PICALM: variants seen among roughly 807,000 people sequenced by gnomAD.
The protein encoded by PICALM is phosphatidylinositol-binding clathrin assembly protein.
PICALM carries 40 observed loss-of-function variants against 80.5 expected under a neutral mutation model. The observed-to-expected ratio is 0.50, with a 90% CI of 0.39 to 0.65. The LOEUF is 0.65. PICALM is among the 30% of genes least tolerant of loss of function. The pLI, the probability that PICALM is intolerant of heterozygous loss-of-function variation, is 0.00. For synonymous variants in PICALM, 288 were observed against 260.3 expected (o/e 1.11, Z -1.02); for missense variants, 676 against 778.9 (o/e 0.87, Z 1.57).
chr11:86,010,800 T>TTTTATAGAGAA (rs1161862638), intron 7 of PICALM, among the ~76,000 whole-genome samples: 4 of 152,250 alleles, frequency 2.6e-5, no homozygotes, highest in African/African-American at 9.6e-5. Flanking sequence ...AAGTAAACAA[T>TTTTATAGAGAA]GTAAAAACAG....
At chr11:85,998,572 T>C (rs1174190412) in intron 11 of PICALM, among the ~76,000 whole-genome samples, 3 of 151,896 alleles carry the variant, frequency 2.0e-5, no homozygotes, top group African/African-American at 7.2e-5. Context: ...GCGTGCGGAC[T>C]GCTTGAGTTC....
chr11:86,001,183 T>A (rs758215717), intron 9 of PICALM, 25 bp from the exon 10 acceptor site: 1 of 1,609,294 alleles, frequency 6.2e-7, no homozygotes, highest in Non-Finnish European at 8.5e-7. Flanking sequence ...CAGAGATAAT[T>A]TGGCTTTTTG....
At chr11:86,007,471 T>A (rs2095302718) in intron 8 of PICALM, 71 bp downstream of exon 8, 1 of 865,780 alleles carries the variant, frequency 1.2e-6, no homozygotes, top group East Asian at 2.5e-5. Flanking sequence ...GGGCTATATG[T>A]TACTTATCTT....
At chr11:85,977,555 C>A (rs1343069425) in intron 17 of PICALM, among the ~76,000 whole-genome samples, 6 of 152,124 alleles carry the variant, frequency 3.9e-5, no homozygotes, top group Admixed American at 1.3e-4. Context: ...GCAATTTGAA[C>A]ATATGCATGG....
intron 7 of PICALM, among the ~76,000 whole-genome samples, 198 bp downstream of exon 7, chr11:86,010,832 T>C (rs963771807): frequency 1.3e-5 from 2 of 152,252 alleles, no homozygotes; most frequent in Admixed American, 1.3e-4. Flanking sequence ...ATACTCGCTA[T>C]TGAATTAAAT....
chr11:85,959,448 T>TA (rs1236611612), intron 19 of PICALM, among the ~76,000 whole-genome samples: 2 of 151,464 alleles, frequency 1.3e-5, no homozygotes, highest in Non-Finnish European at 2.9e-5. Flanking sequence ...GCCTGGCCAA[T>TA]ATGGTGAAAC....
intron 13 of PICALM, among the ~76,000 whole-genome samples, chr11:85,987,489 C>CA (rs1228434137): frequency 6.6e-6 from 1 of 151,616 alleles, no homozygotes; most frequent in Non-Finnish European, 1.5e-5. Flanking sequence ...AATATTAGAC[C>CA]AAAAAAAGTG....
At chr11:86,048,127 G>C (rs559763219) in intron 1 of PICALM, among the ~76,000 whole-genome samples, 1 of 152,274 alleles carries the variant, frequency 6.6e-6, no homozygotes, top group Non-Finnish European at 1.5e-5. Context: ...CCAATCTCCT[G>C]ATGCGAAGCA....
rs773609423 is a variant in PICALM at position 85,958,137 on chromosome 11, A to G, written c.*909T>C. 9 of 225,592 alleles carry G rather than the reference A, an allele frequency of 4.0e-5. No homozygotes were observed. The South Asian group carries it at 5.5e-4, about 14-fold the overall frequency. 14.0% of individuals were successfully genotyped at this position (225,592 alleles called of 1,614,324 possible). On this transcript the variant is annotated 3_prime_UTR_variant, in exon 20 of 20. Transcript: ENST00000393346. Reference sequence around the variant, plus strand: ...AAGGCCCTAATGTCAAATGGAAAATAATGACATGCCAAGCACAAAGCAGTA... The same window carrying G: ...AAGGCCCTAATGTCAAATGGAAAATGATGACATGCCAAGCACAAAGCAGTA...
chr11:86,004,997 G>C (rs574525972), intron 8 of PICALM, among the ~76,000 whole-genome samples: 1 of 152,158 alleles, frequency 6.6e-6, no homozygotes, highest in African/African-American at 2.4e-5. Flanking sequence ...GATGATAGTG[G>C]TTAACATTTA....
At chr11:86,060,102 C>T (rs891230101) in intron 1 of PICALM, among the ~76,000 whole-genome samples, 3 of 152,142 alleles carry the variant, frequency 2.0e-5, no homozygotes, top group African/African-American at 7.2e-5. Context: ...GGCACTGTTA[C>T]CTACAAAATC....
intron 4 of PICALM, among the ~76,000 whole-genome samples, chr11:86,021,420 T>C (rs2095560324): frequency 2.0e-5 from 3 of 149,574 alleles, no homozygotes; most frequent in Admixed American, 2.0e-4. Context: ...AAATGCTCAA[T>C]ATCATTAGCC....
intron 19 of PICALM, among the ~76,000 whole-genome samples, chr11:85,965,788 T>C (rs17817588): frequency 0.16 from 24,393 of 149,890 alleles, 2,601 homozygotes; most frequent in Middle Eastern, 0.24. Context: ...CCTGTCACCT[T>C]GAATGCATTA....
rs1293642049 is a variant in PICALM, at chr11:86,068,811, C to T, written c.-31G>A. On this transcript the variant is annotated 5_prime_UTR_variant, in exon 1 of 20. Transcript: ENST00000393346. ...CAGCTCCTCCACCACCCCACCCGCT[C>T]AGCAGCCGGCGGGGACTGGGACCCC... The T allele has an allele frequency of 1.3e-6, 2 of 1,577,532 alleles. No homozygotes were observed. The highest frequency in any genetic ancestry group is 8.6e-7 in the Non-Finnish European group (1 of 1,165,934).
At chr11:85,968,299 AAAAC>A (rs1325207411) in intron 19 of PICALM, among the ~76,000 whole-genome samples, 2 of 152,088 alleles carry the variant, frequency 1.3e-5, no homozygotes, top group South Asian at 2.1e-4. Flanking sequence ...TCAAAAAAAC[AAAAC>A]AAACAAACAA....
intron 18 of PICALM, 59 bp from the exon 19 acceptor site, chr11:85,974,871 T>G (rs1046394456): frequency 8.7e-7 from 1 of 1,146,358 alleles, no homozygotes; most frequent in African/African-American, 1.5e-5. Flanking sequence ...TGTGACTAAG[T>G]AAATAACAAT....
intron 12 of PICALM, among the ~76,000 whole-genome samples, chr11:85,996,162 A>G (rs2094953238): frequency 1.3e-5 from 2 of 152,110 alleles, no homozygotes; most frequent in African/African-American, 2.4e-5. Context: ...AAATAAAATG[A>G]AAAAAAGCTT....
Position 86,026,741 on chromosome 11 carries a change from T to A in PICALM, c.274-374A>T, listed in dbSNP as rs2095654937. Among the ~76,000 whole-genome samples the A allele has an allele frequency of 3.9e-5, 6 of 152,036 alleles. 1 individual carries two copies. The South Asian group carries it at 1.2e-3, about 32-fold the overall frequency. On this transcript the variant is annotated intron_variant, in intron 2 of 19. Coordinates refer to ENST00000393346, the MANE Select transcript of PICALM (RefSeq NM_007166.4). ...CAAAGTTTTGGCTTTAAAAAAAAAA[T>A]ACTTCTAAACATACAAGAAAGCAAT...
At chr11:86,034,076 G>T (rs937734698) in intron 1 of PICALM, among the ~76,000 whole-genome samples, 1 of 151,996 alleles carries the variant, frequency 6.6e-6, no homozygotes, top group African/African-American at 2.4e-5. Flanking sequence ...CAGAAAAACT[G>T]GAGTTATTTT....
Sources: allele counts gnomAD v4.1 joint callset (sites outside exome capture counted in the v4.1 genomes callset), GRCh38; gene constraint gnomAD v4.1.1; transcripts MANE v1.5; gene names NCBI Gene and HGNC (gene_info 2026-07-23, HGNC 2026-07-21).